The following HABP4 variants were observed in gnomAD, a reference collection of about 807,000 sequenced individuals.
The protein encoded by HABP4 is intracellular hyaluronan-binding protein 4.
In HABP4, 32 loss-of-function variants were observed where a neutral mutation model predicts 44.1. The ratio of observed to expected loss-of-function variants is 0.73; its 90% CI spans 0.55 to 0.97. The LOEUF is 0.97. HABP4 is among the 50% of genes least tolerant of loss of function. The pLI is 0.00. For synonymous variants in HABP4, 216 were observed against 218.0 expected (o/e 0.99, Z 0.08); for missense variants, 503 against 561.9 (o/e 0.90, Z 1.06).
At chr9:96,453,905 C>T (rs1196264946) in intron 1 of HABP4, among the ~76,000 whole-genome samples, 1 of 152,138 alleles carries the variant, frequency 6.6e-6, no homozygotes, top group African/African-American at 2.4e-5. Flanking sequence ...TGCTGATTAT[C>T]TTTGTTTTGG....
chr9:96,474,951 A>G (rs1459704682), intron 5 of HABP4, among the ~76,000 whole-genome samples: 1 of 152,120 alleles, frequency 6.6e-6, no homozygotes, highest in Non-Finnish European at 1.5e-5. Flanking sequence ...TTTTACTGAT[A>G]ATTATATGTG....
In HABP4 at chr9:96,454,739, C is replaced by T. The variant is rs148208017; in HGVS notation, c.350-3640C>T. Among the ~76,000 whole-genome samples, 1,192 of 152,270 alleles carry T rather than the reference C, an allele frequency of 7.8e-3. 3 individuals are homozygous for T. Among genetic ancestry groups the T allele is most frequent in the South Asian group, 0.016 (76 of 4,828 alleles). ...CTGGGATTACAGGCATGAGCCACCG[C>T]GCCTGGCCCCAGTTCTGAACTCTTA... On this transcript the variant is annotated intron_variant, in intron 1 of 7. Coordinates refer to ENST00000375249, the MANE Select transcript of HABP4 (RefSeq NM_014282.4).
intron 5 of HABP4, among the ~76,000 whole-genome samples, chr9:96,471,824 C>G (rs1035167967): frequency 2.0e-5 from 3 of 151,830 alleles, no homozygotes; most frequent in African/African-American, 7.3e-5. Context: ...GAGTTTCACT[C>G]TTATTGCCCA....
At chr9:96,472,359 T>G (rs1343257135) in intron 5 of HABP4, among the ~76,000 whole-genome samples, 1 of 152,144 alleles carries the variant, frequency 6.6e-6, no homozygotes, top group Non-Finnish European at 1.5e-5. Flanking sequence ...TAATTTCTCC[T>G]CAAAACCCTG....
chr9:96,465,567 GTTAATA>G, intron 3 of HABP4, 69 bp downstream of exon 3: 4 of 1,233,662 alleles, frequency 3.2e-6, no homozygotes, highest in Non-Finnish European at 3.6e-6. Flanking sequence ...TCTATTATGT[GTTAATA>G]TTTAGTTAAC....
At chr9:96,456,817 A>ATATATATC (rs1832401297) in intron 1 of HABP4, among the ~76,000 whole-genome samples, 1 of 122,884 alleles carries the variant, frequency 8.1e-6, no homozygotes, top group Admixed American at 8.8e-5. Flanking sequence ...ATATATATAT[A>ATATATATC]TATATCCATT....
Position 96,465,479 on chromosome 9 carries a change from TATG to T in HABP4, c.656_658del (p.Tyr219_Gly220delinsCys). On this transcript the variant is annotated inframe_deletion, in exon 3 of 8. Transcript: ENST00000375249. The stretch of plus-strand genomic sequence containing the variant: ...GAGAGGAAAGCGAGAATTTGAAAGA[TATG>T]GTGGGAATGACAAAATGTAAGTTTC... The T allele has an allele frequency of 6.2e-7, 1 of 1,611,632 alleles. No individual in the cohort carries two copies. The highest frequency in any genetic ancestry group is 8.5e-7 in the Non-Finnish European group (1 of 1,177,696).
chr9:96,468,605 C>T (rs1409881010), intron 4 of HABP4, among the ~76,000 whole-genome samples: 2 of 151,984 alleles, frequency 1.3e-5, no homozygotes, highest in Non-Finnish European at 2.9e-5. Flanking sequence ...GTTTCCCAGG[C>T]TGGTGTCAAA....
intron 5 of HABP4, among the ~76,000 whole-genome samples, chr9:96,479,021 G>T (rs1203710467): frequency 6.6e-6 from 1 of 152,110 alleles, no homozygotes; most frequent in East Asian, 1.9e-4. Flanking sequence ...AAGCTGCTTT[G>T]ATAAAGAACC....
At chr9:96,452,930 TTTTTTTTTGAGACAGAGTC>T (rs1832311812) in intron 1 of HABP4, among the ~76,000 whole-genome samples, 2 of 145,834 alleles carry the variant, frequency 1.4e-5, no homozygotes, top group African/African-American at 2.5e-5. Flanking sequence ...TTTTTTTTTT[TTTTTTTTTGAGACAGAGTC>T]TTTTTTTTTG....
chr9:96,454,804 A>G (rs1390163959), intron 1 of HABP4, among the ~76,000 whole-genome samples: 1 of 151,980 alleles, frequency 6.6e-6, no homozygotes, highest in Admixed American at 6.6e-5. Flanking sequence ...GCACACTCCT[A>G]GGCAACCGGG....
intron 5 of HABP4, among the ~76,000 whole-genome samples, chr9:96,482,206 A>G (rs546774941): frequency 1.6e-4 from 25 of 152,226 alleles, no homozygotes; most frequent in Admixed American, 7.2e-4. Flanking sequence ...CCAAAGTGCT[A>G]GGATTACAGG....
At chr9:96,487,486 G>A (rs1354353440) in intron 6 of HABP4, among the ~76,000 whole-genome samples, 1 of 152,156 alleles carries the variant, frequency 6.6e-6, no homozygotes, top group Non-Finnish European at 1.5e-5. Context: ...GAACACTCAG[G>A]TAACCATACT....
chr9:96,461,948 GGAGTTCAA>G (rs1564160935), intron 2 of HABP4, among the ~76,000 whole-genome samples: 1 of 151,950 alleles, frequency 6.6e-6, no homozygotes, highest in African/African-American at 2.4e-5. Context: ...CCTGAGGTCA[GGAGTTCAA>G]GACCAGCCTG....
chr9:96,483,986 A>C (rs533955240), intron 5 of HABP4: 1 of 152,110 alleles, frequency 6.6e-6, no homozygotes, highest in South Asian at 2.1e-4. Flanking sequence ...TTATTTCTGG[A>C]CTCTGAATTC....
At chr9:96,482,466 TTC>T (rs1290385942) in intron 5 of HABP4, among the ~76,000 whole-genome samples, 1 of 152,202 alleles carries the variant, frequency 6.6e-6, no homozygotes, top group Non-Finnish European at 1.5e-5. Flanking sequence ...CAGTCTTCAT[TTC>T]TGTTTTTCTT....
At chr9:96,468,273 T>C (rs886247357) in intron 4 of HABP4, among the ~76,000 whole-genome samples, 5 of 149,974 alleles carry the variant, frequency 3.3e-5, no homozygotes, top group East Asian at 2.0e-4. Context: ...TTTTTTTTTT[T>C]CTGAGACAGA....
intron 4 of HABP4, among the ~76,000 whole-genome samples, 172 bp from the exon 5 acceptor site, chr9:96,470,839 G>T (rs1220115914): frequency 1.3e-5 from 2 of 148,758 alleles, no homozygotes; most frequent in Non-Finnish European, 3.0e-5. Flanking sequence ...AGGTTGCACT[G>T]ATCCGAGATT....
intron 2 of HABP4, among the ~76,000 whole-genome samples, chr9:96,461,911 T>A (rs1351248080): frequency 6.6e-6 from 1 of 152,014 alleles, no homozygotes; most frequent in Non-Finnish European, 1.5e-5. Flanking sequence ...ATCCCAGCAC[T>A]TTGGGGAGGC....
Sources: gnomAD v4.1 joint callset for allele counts (sites outside exome capture counted in the v4.1 genomes callset) on GRCh38, gnomAD v4.1.1 for gene constraint, MANE v1.5 for transcripts, NCBI Gene and HGNC (gene_info 2026-07-23, HGNC 2026-07-21) for gene names.